DNASE1: variants seen among roughly 807,000 people sequenced by gnomAD.
The protein encoded by DNASE1 is deoxyribonuclease-1.
In DNASE1, 40 loss-of-function variants were observed where a neutral mutation model predicts 33.9. The observed-to-expected ratio is 1.18, with a 90% CI of 0.92 to 1.54. DNASE1 has a LOEUF of 1.54. Ranked by LOEUF, DNASE1 falls within the 40% of genes most tolerant of loss-of-function variation. The pLI, the probability that DNASE1 is intolerant of heterozygous loss-of-function variation, is 0.00. For missense variants in DNASE1, 518 were observed against 372.6 expected, an observed-to-expected ratio of 1.39 and a Z score of -3.21; for synonymous variants, 216 against 160.0, an observed-to-expected ratio of 1.35 and a Z score of -2.64.
At chr16:3,629,886 T>A (rs993807917) in intron 1 of DNASE1, among the ~76,000 whole-genome samples, 10 of 152,234 alleles carry the variant, frequency 6.6e-5, no homozygotes, top group African/African-American at 2.2e-4. Flanking sequence ...CAATCTTGGC[T>A]CACTGCAACC....
At chr16:3,658,833 C>G (rs150558344), downstream of DNASE1, 2 of 1,613,874 alleles carry the variant, frequency 1.2e-6, no homozygotes, top group Admixed American at 1.7e-5. Context: ...CTCGCTTGCG[C>G]GCAGCTGATT....
At chr16:3,662,963 G>T (rs144965528), downstream of DNASE1, 1 of 1,608,882 alleles carries the variant, frequency 6.2e-7, no homozygotes, top group African/African-American at 1.3e-5. Context: ...ATAGGCACTC[G>T]GCGGCTGCGG....
At chr16:3,617,393 C>T (rs2041147211) in intron 1 of DNASE1, among the ~76,000 whole-genome samples, 1 of 146,720 alleles carries the variant, frequency 6.8e-6, no homozygotes. Context: ...TTGGAGTTGG[C>T]AGTAGACTCT....
At chr16:3,627,325 G>C (rs973630738) in intron 1 of DNASE1, among the ~76,000 whole-genome samples, 3 of 151,182 alleles carry the variant, frequency 2.0e-5, no homozygotes, top group African/African-American at 7.3e-5. Flanking sequence ...ACCCTGGCTG[G>C]AGTGCAGTGG....
At chr16:3,658,776 T>C (rs529256747), downstream of DNASE1, 65 of 1,611,564 alleles carry the variant, frequency 4.0e-5, no homozygotes, top group South Asian at 5.8e-4. Context: ...GCAGTCATCC[T>C]AAGCTGCTGC....
At position 3,663,427 on chromosome 16, in the gene DNASE1, G is replaced by A. The variant is rs1038370962; in HGVS notation, c.*5474G>A. On this transcript the variant is annotated 3_prime_UTR_variant, in exon 10 of 10. Coordinates refer to the DNASE1 transcript ENST00000407479. ...CTAGAGAGCAGGGGATGCCGACCTG[G>A]GGACCTGTCCTCAAACTTCTCCTCC... 9 of 1,613,982 alleles carry A rather than the reference G, an allele frequency of 5.6e-6. No homozygotes were observed. The East Asian group carries it at 1.1e-4, about 20-fold the overall frequency.
intron 1 of DNASE1, among the ~76,000 whole-genome samples, chr16:3,635,788 A>G (rs569632161): frequency 2.4e-4 from 37 of 151,776 alleles, no homozygotes; most frequent in African/African-American, 8.7e-4. Flanking sequence ...AGTGTGATGT[A>G]ATTCTTATCC....
rs370964436 is a variant in DNASE1 at position 3,658,000 on chromosome 16, C to T, written c.*47C>T. The T allele has an allele frequency of 6.2e-6, 10 of 1,612,508 alleles. No homozygotes were observed. The highest frequency in any genetic ancestry group is 8.5e-6 in the Non-Finnish European group (10 of 1,179,352). ...TGAACTGCAGGAAGAGAGGACCCATCCTGCCACAGGACCCAGAAAAAAAGC... is the reference window on the plus strand; with the variant it reads ...TGAACTGCAGGAAGAGAGGACCCATTCTGCCACAGGACCCAGAAAAAAAGC... On this transcript the variant is annotated 3_prime_UTR_variant, in exon 9 of 9. Transcript: ENST00000246949.
At position 3,656,773 on chromosome 16, in the gene DNASE1, G is replaced by A. The variant is rs1203691338; in HGVS notation, c.436+20G>A. 2 of 1,590,138 alleles carry A rather than the reference G, an allele frequency of 1.3e-6. No individual in the cohort carries two copies. The highest frequency in any genetic ancestry group is 1.3e-5 in the African/African-American group (1 of 74,144). ...TCACAGGTGGGTGCTGCCTGGGCCA[G>A]GGTGGGGCTCGGCTTGGCGCTTATG... On this transcript the variant is annotated intron_variant, in intron 5 of 8. Coordinates refer to ENST00000246949, the MANE Select transcript of DNASE1 (RefSeq NM_005223.4).
intron 1 of DNASE1, among the ~76,000 whole-genome samples, chr16:3,637,821 A>G (rs1284448811): frequency 6.6e-6 from 1 of 151,664 alleles, no homozygotes; most frequent in Non-Finnish European, 1.5e-5. Context: ...TGCTGTGTAA[A>G]TTTTCCTACC....
At chr16:3,662,140 C>G, downstream of DNASE1, 1 of 1,609,414 alleles carries the variant, frequency 6.2e-7, no homozygotes, top group Non-Finnish European at 8.5e-7. Context: ...CACCTGTGAG[C>G]AAAGCCCGGG....
intron 7 of DNASE1, 22 bp downstream of exon 7, chr16:3,657,363 G>C (rs763172709): frequency 8.7e-6 from 14 of 1,609,738 alleles, no homozygotes; most frequent in Admixed American, 1.7e-5. Context: ...CTCGCGCTTA[G>C]GGCAGACTGA....
Position 3,655,450 on chromosome 16 carries a change from C to T in DNASE1, c.77C>T (p.Ala26Val). The T allele has an allele frequency of 1.9e-6, 3 of 1,614,150 alleles. No individual in the cohort carries two copies. The highest frequency in any genetic ancestry group is 2.5e-6 in the Non-Finnish European group (3 of 1,180,036). ...CAGGGGGCCGTGTCCCTGAAGATCG[C>T]AGCCTTCAACATCCAGACATTTGGG... ...LLQGAVSLKI[A>V]AFNIQTFGET... Residue 26 changes from alanine to valine, a missense_variant, in exon 2 of 9, where the codon GCA becomes GTA. By Grantham distance (64) the Ala-to-Val change is moderately conservative (BLOSUM62 0). Transcript: ENST00000246949.
downstream of DNASE1, chr16:3,660,049 G>A (rs1239528129): frequency 6.6e-6 from 1 of 152,136 alleles, no homozygotes; most frequent in Non-Finnish European, 1.5e-5. Flanking sequence ...CACTTCAAAT[G>A]CACATCCTCA....
chr16:3,639,917 T>C (rs1485964175), upstream of DNASE1, among the ~76,000 whole-genome samples: 1 of 152,176 alleles, frequency 6.6e-6, no homozygotes, highest in Non-Finnish European at 1.5e-5. Context: ...AAATAAATTA[T>C]TGGCTGGTGA....
intron 1 of DNASE1, among the ~76,000 whole-genome samples, chr16:3,626,647 T>C (rs1402487730): frequency 1.3e-5 from 2 of 152,198 alleles, no homozygotes; most frequent in Non-Finnish European, 2.9e-5. Flanking sequence ...TTAGATCCAG[T>C]TGGTTGATGA....
exon 10 of DNASE1, chr16:3,664,176 C>G: frequency 1.5e-6 from 2 of 1,319,014 alleles, no homozygotes; most frequent in Non-Finnish European, 2.0e-6. Context: ...CAGCCCTGCC[C>G]GGAGTCTTGG....
rs2042492333 is a variant in DNASE1 at position 3,654,833 on chromosome 16, G to C, written c.-213G>C. 1.5e-5 allele frequency: 6 copies of C among 405,148 alleles called. No homozygotes were observed. Among genetic ancestry groups the C allele is most frequent in the East Asian group, 3.5e-5 (1 of 28,242 alleles). The allele number at this position is 405,148 out of a possible 1,614,324, so 25.1% of individuals were successfully genotyped here. ...ATTTGCCCCAGGGAAGGTCACAGCT[G>C]CCTGAACTTTTAAAACTCCCAGACA... On this transcript the variant is annotated 5_prime_UTR_variant, in exon 1 of 9. Transcript: ENST00000246949.
chr16:3,646,300 CT>C (rs1387131964), intron 1 of DNASE1, among the ~76,000 whole-genome samples: 1 of 152,106 alleles, frequency 6.6e-6, no homozygotes, highest in South Asian at 2.1e-4. Flanking sequence ...TGTGGAGCGC[CT>C]CCTCTGCTCC....
Sources: gnomAD v4.1 joint callset for allele counts (sites outside exome capture counted in the v4.1 genomes callset) on GRCh38, gnomAD v4.1.1 for gene constraint, MANE v1.5 for transcripts, NCBI Gene and HGNC (gene_info 2026-07-23, HGNC 2026-07-21) for gene names.